GALNTL6: variants seen among roughly 807,000 people sequenced by gnomAD.
The protein encoded by GALNTL6 is polypeptide N-acetylgalactosaminyltransferase-like 6.
A neutral mutation model predicts 73.7 loss-of-function variants in GALNTL6; 46 were observed. That is an observed-to-expected ratio of 0.62 (90% CI 0.49 to 0.80). The LOEUF (loss-of-function observed/expected upper bound fraction) is 0.80. Ranked by LOEUF, GALNTL6 falls within the 30% of genes least tolerant of loss-of-function variation. The pLI is 0.00. For missense variants in GALNTL6, 604 were observed against 755.0 expected, an observed-to-expected ratio of 0.80 and a Z score of 2.34; for synonymous variants, 259 against 263.7, an observed-to-expected ratio of 0.98 and a Z score of 0.17.
chr4:172,930,139 G>A (rs868700584), intron 8 of GALNTL6, among the ~76,000 whole-genome samples: 3 of 152,102 alleles, frequency 2.0e-5, no homozygotes, highest in Admixed American at 6.6e-5. Flanking sequence ...TTAGCTCAGC[G>A]TGGTAGCGGG....
intron 2 of GALNTL6, among the ~76,000 whole-genome samples, chr4:172,082,585 A>G (rs964091200): frequency 1.3e-5 from 2 of 152,228 alleles, no homozygotes; most frequent in African/African-American, 4.8e-5. Context: ...TTGAAAGTAA[A>G]CGGGAGAAGA....
intron 11 of GALNTL6, among the ~76,000 whole-genome samples, chr4:173,018,221 G>A (rs1375048774): frequency 6.6e-6 from 1 of 152,158 alleles, no homozygotes; most frequent in African/African-American, 2.4e-5. Context: ...TATTCGCCAG[G>A]AAATTTCTAT....
chr4:171,904,220 A>G (rs957809099), intron 2 of GALNTL6, among the ~76,000 whole-genome samples: 1 of 152,158 alleles, frequency 6.6e-6, no homozygotes, highest in African/African-American at 2.4e-5. Flanking sequence ...CATTCAAACC[A>G]AAGGCAAAGA....
intron 5 of GALNTL6, among the ~76,000 whole-genome samples, chr4:172,472,398 A>G (rs1264560758): frequency 1.3e-5 from 2 of 152,194 alleles, no homozygotes; most frequent in Non-Finnish European, 2.9e-5. Flanking sequence ...ACTTGCCAAA[A>G]CCTTGTGAAA....
intron 5 of GALNTL6, among the ~76,000 whole-genome samples, chr4:172,617,134 T>A (rs987063557): frequency 5.3e-5 from 8 of 151,850 alleles, no homozygotes; most frequent in Admixed American, 2.0e-4. Context: ...AGATAAGTAG[T>A]GTGTTTGTTT....
At chr4:172,986,987 A>AT (rs895585461) in intron 10 of GALNTL6, among the ~76,000 whole-genome samples, 3 of 152,168 alleles carry the variant, frequency 2.0e-5, no homozygotes, top group Admixed American at 6.5e-5. Context: ...TGTAGAACAT[A>AT]TTTTTTTAAT....
intron 5 of GALNTL6, among the ~76,000 whole-genome samples, chr4:172,546,869 T>A (rs1252803228): frequency 5.5e-5 from 5 of 90,752 alleles, no homozygotes; most frequent in African/African-American, 1.9e-4. Flanking sequence ...ATCTTCTCAA[T>A]AATTTTTAAG....
intron 7 of GALNTL6, among the ~76,000 whole-genome samples, chr4:172,847,214 C>G (rs1743560561): frequency 6.6e-6 from 1 of 152,118 alleles, no homozygotes; most frequent in Non-Finnish European, 1.5e-5. Flanking sequence ...TGCTGCATCT[C>G]CCTTGAAGAC....
chr4:172,269,199 G>T (rs1208803960), intron 3 of GALNTL6, among the ~76,000 whole-genome samples: 1 of 152,102 alleles, frequency 6.6e-6, no homozygotes, highest in East Asian at 1.9e-4. Flanking sequence ...GCAGAGAGAC[G>T]TCTTGAGATT....
At chr4:172,961,414 G>C (rs1159167636) in intron 10 of GALNTL6, among the ~76,000 whole-genome samples, 2 of 152,058 alleles carry the variant, frequency 1.3e-5, no homozygotes, top group Non-Finnish European at 2.9e-5. Flanking sequence ...AGGGGTTGGG[G>C]GTTCTTGCCC....
chr4:172,694,242 G>A (rs1733528769), intron 5 of GALNTL6, among the ~76,000 whole-genome samples: 2 of 151,848 alleles, frequency 1.3e-5, no homozygotes, highest in African/African-American at 2.4e-5. Flanking sequence ...CCATCATCTA[G>A]GCTTTAAGCC....
At chr4:172,439,048 A>G (rs1579072163) in intron 5 of GALNTL6, among the ~76,000 whole-genome samples, 1 of 151,814 alleles carries the variant, frequency 6.6e-6, no homozygotes, top group Non-Finnish European at 1.5e-5. Flanking sequence ...TCTCATTGTT[A>G]TAAATATTTC....
intron 5 of GALNTL6, among the ~76,000 whole-genome samples, chr4:172,538,677 C>T (rs79593390): frequency 0.022 from 3,403 of 152,066 alleles, 122 homozygotes; most frequent in African/African-American, 0.077. Flanking sequence ...ATGAAAAAAA[C>T]TTCAAATAGA....
chr4:172,156,665 G>A (rs894698848), intron 2 of GALNTL6, among the ~76,000 whole-genome samples: 7 of 150,152 alleles, frequency 4.7e-5, no homozygotes, highest in African/African-American at 1.2e-4. Flanking sequence ...ATGAGAGATA[G>A]GCAATTATTT....
chr4:172,738,841 C>T (rs147807083), intron 5 of GALNTL6, among the ~76,000 whole-genome samples: 141 of 152,154 alleles, frequency 9.3e-4, no homozygotes, highest in African/African-American at 3.2e-3. Flanking sequence ...GCAGGTGGGT[C>T]GGGGGAGTGG....
At position 172,704,693 on chromosome 4, in the gene GALNTL6, C is replaced by G. The variant is rs11734921; in HGVS notation, c.554-104668C>G. On this transcript the variant is annotated intron_variant, in intron 5 of 12. Transcript: ENST00000506823. ...GCAGCTGGATGAAATGTTCTTTAAA[C>G]GTTGGTTAGGTTCATTTGGTCTAGA... Among the ~76,000 whole-genome samples the G allele has an allele frequency of 6.2e-3, 935 of 151,820 alleles. 9 individuals are homozygous for G. Among genetic ancestry groups the G allele is most frequent in the African/African-American group, 0.018 (733 of 41,426 alleles).
chr4:173,022,681 C>T (rs1004980126), intron 12 of GALNTL6, among the ~76,000 whole-genome samples: 11 of 152,136 alleles, frequency 7.2e-5, no homozygotes, highest in African/African-American at 2.7e-4. Context: ...CACCAAAATC[C>T]TGCCCAAATG....
intron 2 of GALNTL6, among the ~76,000 whole-genome samples, chr4:172,178,153 A>G (rs1579219032): frequency 1.3e-5 from 2 of 152,218 alleles, no homozygotes; most frequent in East Asian, 1.9e-4. Context: ...TGGTTTTCTC[A>G]TCTGCTAATG....
At chr4:172,064,358 A>C (rs2110887736) in intron 2 of GALNTL6, among the ~76,000 whole-genome samples, 1 of 152,312 alleles carries the variant, frequency 6.6e-6, no homozygotes, top group South Asian at 2.1e-4. Context: ...GAACCATTAA[A>C]GTTAATGTCT....
Sources: allele counts gnomAD v4.1 joint callset (sites outside exome capture counted in the v4.1 genomes callset), GRCh38; gene constraint gnomAD v4.1.1; transcripts MANE v1.5; gene names NCBI Gene and HGNC (gene_info 2026-07-23, HGNC 2026-07-21).